Variants in ASTN2 observed in about 807,000 individuals in gnomAD.
ASTN2 encodes astrotactin 2.
In ASTN2, 54 loss-of-function variants were observed where a neutral mutation model predicts 139.8. That is an observed-to-expected ratio of 0.39 (90% CI 0.31 to 0.48). ASTN2 has a LOEUF of 0.48. ASTN2 is among the 20% of genes least tolerant of loss of function. The pLI is 0.95. For missense variants in ASTN2, 1,565 were observed against 1,725.1 expected (o/e 0.91, Z 1.64); for synonymous variants, 756 against 719.5 (o/e 1.05, Z -0.81).
chr9:117,377,579 C>T lies in ASTN2; in HGVS notation c.442+36918G>A, dbSNP rs141386582. On this transcript the variant is annotated intron_variant, in intron 1 of 22. Coordinates refer to ENST00000313400, the MANE Select transcript of ASTN2 (RefSeq NM_001365068.1). Reference sequence around the variant, plus strand: ...GCAATATCTATGAAAATTAAAAAGTCCATATTTTTGACCTCATAATACTGC... The same window carrying T: ...GCAATATCTATGAAAATTAAAAAGTTCATATTTTTGACCTCATAATACTGC... Among the ~76,000 whole-genome samples, 297 of 152,022 alleles carry T rather than the reference C, an allele frequency of 2.0e-3. 3 individuals are homozygous for T. The highest frequency in any genetic ancestry group is 6.8e-3 in the Middle Eastern group (2 of 292).
At chr9:117,100,499 T>A (rs889966373) in intron 4 of ASTN2, among the ~76,000 whole-genome samples, 1 of 152,240 alleles carries the variant, frequency 6.6e-6, no homozygotes, top group Non-Finnish European at 1.5e-5. Context: ...GAAATTAACA[T>A]AAAGTTATTA....
intron 13 of ASTN2, among the ~76,000 whole-genome samples, chr9:116,795,881 G>T (rs1299084567): frequency 6.6e-6 from 1 of 152,182 alleles, no homozygotes; most frequent in East Asian, 1.9e-4. Flanking sequence ...CCACTTTATA[G>T]TTGAAGATCT....
intron 1 of ASTN2, among the ~76,000 whole-genome samples, chr9:117,295,759 A>AAG (rs1564131660): frequency 2.6e-5 from 4 of 151,582 alleles, no homozygotes; most frequent in Admixed American, 6.6e-5. Flanking sequence ...TAAAAAAAAA[A>AAG]AAGAAGAAGA....
chr9:116,431,158 A>T (rs1847484338), intron 22 of ASTN2, among the ~76,000 whole-genome samples: 1 of 152,198 alleles, frequency 6.6e-6, no homozygotes, highest in Non-Finnish European at 1.5e-5. Flanking sequence ...GAACCATTCT[A>T]TTCCCAGCAC....
intron 11 of ASTN2, among the ~76,000 whole-genome samples, chr9:116,846,820 C>G (rs538418503): frequency 1.3e-5 from 2 of 152,166 alleles, no homozygotes; most frequent in Non-Finnish European, 2.9e-5. Context: ...TCGCAGTAGG[C>G]AGCACCTGCT....
chr9:116,729,076 C>T lies in ASTN2; in HGVS notation c.2542G>A (p.Ala848Thr). 4 of 1,591,066 alleles carry T rather than the reference C, an allele frequency of 2.5e-6. No individual in the cohort carries two copies. Among genetic ancestry groups the T allele is most frequent in the Non-Finnish European group, 3.4e-6 (4 of 1,167,688 alleles). The change falls in exon 15 of 23, where the codon GCC (alanine) becomes ACC (threonine). Residue 848 changes from alanine to threonine, a missense_variant. Physicochemically the swap from Ala to Thr is moderately conservative, Grantham distance 58. Around this residue, in one of 4 missense-constraint regions of ASTN2, gnomAD observed 503 missense variants for 591.7 expected, o/e 0.85. Coordinates refer to ENST00000313400, the MANE Select transcript of ASTN2 (RefSeq NM_001365068.1). ...LLTGDIRYDE[A>T]MGYPMVQQWR... ...TGCTGCACCATGGGGTAACCCATGG[C>T]CTCATCATACCTGATATCTCCTGGG...
At chr9:116,606,674 A>G (rs945965547) in intron 19 of ASTN2, among the ~76,000 whole-genome samples, 3 of 151,882 alleles carry the variant, frequency 2.0e-5, no homozygotes, top group Non-Finnish European at 4.4e-5. Flanking sequence ...CCTAACATTT[A>G]TTCCTCCCTT....
At chr9:117,346,219 T>C (rs952281002) in intron 1 of ASTN2, among the ~76,000 whole-genome samples, 3 of 152,070 alleles carry the variant, frequency 2.0e-5, no homozygotes, top group Non-Finnish European at 2.9e-5. Context: ...AGTTACTTTT[T>C]TAAAAGGATT....
intron 10 of ASTN2, among the ~76,000 whole-genome samples, chr9:116,909,573 G>C (rs1588403337): frequency 2.6e-5 from 4 of 152,174 alleles, no homozygotes; most frequent in Admixed American, 2.6e-4. Context: ...TTTACGATGA[G>C]ATTGGGACTG....
chr9:116,767,635 G>A (rs954275350), intron 13 of ASTN2, among the ~76,000 whole-genome samples: 7 of 152,188 alleles, frequency 4.6e-5, no homozygotes, highest in African/African-American at 9.7e-5. Context: ...TGTTGGCCAT[G>A]CATGGACCTT....
chr9:116,606,180 A>G (rs774988851), intron 19 of ASTN2, among the ~76,000 whole-genome samples: 4 of 152,124 alleles, frequency 2.6e-5, no homozygotes, highest in Admixed American at 6.6e-5. Flanking sequence ...CACCCCCCAC[A>G]ACAAGCCCCA....
intron 2 of ASTN2, among the ~76,000 whole-genome samples, chr9:117,232,888 A>AT (rs10593705): frequency 0.01 from 1,501 of 147,826 alleles, 11 homozygotes; most frequent in Non-Finnish European, 0.014. Flanking sequence ...CTAGGTACAG[A>AT]TTTTTTTTTT....
chr9:117,233,839 G>A (rs181251037), intron 2 of ASTN2, among the ~76,000 whole-genome samples: 53 of 152,162 alleles, frequency 3.5e-4, no homozygotes, highest in African/African-American at 1.3e-3. Flanking sequence ...GTGTAACAGT[G>A]GTCATAATAA....
chr9:116,426,402 T>C (rs1847310554), intron 22 of ASTN2, among the ~76,000 whole-genome samples: 1 of 152,198 alleles, frequency 6.6e-6, no homozygotes, highest in South Asian at 2.1e-4. Context: ...ATTATAATGA[T>C]TAAAAAGCAA....
chr9:116,601,065 T>G (rs2131758753), intron 19 of ASTN2, among the ~76,000 whole-genome samples: 1 of 152,314 alleles, frequency 6.6e-6, no homozygotes, highest in Admixed American at 6.5e-5. Flanking sequence ...TATTGAGAAT[T>G]GTAATAAGTG....
At chr9:116,502,610 G>C (rs1849907221) in intron 19 of ASTN2, among the ~76,000 whole-genome samples, 1 of 150,756 alleles carries the variant, frequency 6.6e-6, no homozygotes, top group Non-Finnish European at 1.5e-5. Flanking sequence ...GAGAGAGAGA[G>C]AGAAACAGAG....
At chr9:116,465,290 C>T (rs2118984647) in intron 20 of ASTN2, among the ~76,000 whole-genome samples, 1 of 152,288 alleles carries the variant, frequency 6.6e-6, no homozygotes, top group Non-Finnish European at 1.5e-5. Context: ...CTCCCTTTGC[C>T]CCATGAAGAT....
chr9:117,085,082 C>T (rs897460698), intron 5 of ASTN2, among the ~76,000 whole-genome samples: 9 of 152,166 alleles, frequency 5.9e-5, no homozygotes, highest in Non-Finnish European at 1.2e-4. Context: ...TCAGCTTCTC[C>T]AGCTGACCTT....
chr9:116,756,309 TCTCAGGCC>T (rs1829530625), intron 13 of ASTN2, among the ~76,000 whole-genome samples: 2 of 152,154 alleles, frequency 1.3e-5, no homozygotes, highest in Non-Finnish European at 2.9e-5. Flanking sequence ...GAGCTCATGG[TCTCAGGCC>T]TATTATAGAA....
Sources: gnomAD v4.1 joint callset for allele counts (sites outside exome capture counted in the v4.1 genomes callset) on GRCh38, gnomAD v4.1.1 for gene constraint, gnomAD v4.1.1 regional missense constraint, MANE v1.5 for transcripts, NCBI Gene and HGNC (gene_info 2026-07-23, HGNC 2026-07-21) for gene names.